Variants in TENM2 observed in about 807,000 individuals in gnomAD.
The protein encoded by TENM2 is teneurin-2.
A neutral mutation model predicts 245.2 loss-of-function variants in TENM2; 52 were observed. The observed-to-expected ratio is 0.21, with a 90% CI of 0.17 to 0.27. The LOEUF is 0.27. TENM2 is among the 10% of genes least tolerant of loss of function. The probability of loss-of-function intolerance (pLI) is 1.00; values close to 1 mark genes in which losing one functional copy is unlikely to be tolerated. For missense variants in TENM2, 3,046 were observed against 3,666.8 expected (o/e 0.83, Z 4.37); for synonymous variants, 1,363 against 1,438.9 (o/e 0.95, Z 1.19).
At chr5:167,829,852 A>G (rs953953911) in intron 2 of TENM2, among the ~76,000 whole-genome samples, 1 of 152,160 alleles carries the variant, frequency 6.6e-6, no homozygotes, top group Non-Finnish European at 1.5e-5. Flanking sequence ...ACCATGAGGA[A>G]TCCCATGGTG....
At chr5:167,937,799 CAG>C (rs770990985) in intron 3 of TENM2, 8 of 152,136 alleles carry the variant, frequency 5.3e-5, no homozygotes, top group Admixed American at 5.2e-4. Flanking sequence ...TGATGGCGCT[CAG>C]AGTGTTCAAA....
intron 19 of TENM2, among the ~76,000 whole-genome samples, chr5:168,208,480 C>T (rs1762543070): frequency 2.0e-5 from 3 of 152,126 alleles, no homozygotes; most frequent in South Asian, 2.1e-4. Context: ...CCTGGGAAGG[C>T]GGGCAAAGCC....
chr5:167,917,364 G>T (rs941388728), intron 3 of TENM2, among the ~76,000 whole-genome samples: 10 of 152,126 alleles, frequency 6.6e-5, no homozygotes, highest in African/African-American at 1.9e-4. Flanking sequence ...TCGGGGGGTT[G>T]TAGGGATTGG....
chr5:167,067,034 A>G, the TENM2 span, among the ~76,000 whole-genome samples: 1 of 152,292 alleles, frequency 6.6e-6, no homozygotes, highest in African/African-American at 2.4e-5. Flanking sequence ...GTTTTCTTTT[A>G]CATTCCTTTT....
chr5:167,547,776 C>A (rs1356844029), intron 2 of TENM2, among the ~76,000 whole-genome samples: 2 of 152,182 alleles, frequency 1.3e-5, no homozygotes, highest in African/African-American at 4.8e-5. Flanking sequence ...AGCTCGTTTT[C>A]TCTTTGCACA....
intron 2 of TENM2, among the ~76,000 whole-genome samples, chr5:167,770,606 C>G (rs1222637736): frequency 6.6e-6 from 1 of 152,184 alleles, no homozygotes; most frequent in East Asian, 1.9e-4. Context: ...GTAACCACCA[C>G]GTTGCACTTC....
At chr5:167,011,902 C>T in the TENM2 span, among the ~76,000 whole-genome samples, 6 of 152,140 alleles carry the variant, frequency 3.9e-5, no homozygotes, top group South Asian at 1.0e-3. Flanking sequence ...TGTAAAAGTG[C>T]ATTGTTCTAT....
chr5:167,461,046 A>G (rs1286260347), intron 2 of TENM2, among the ~76,000 whole-genome samples: 1 of 152,226 alleles, frequency 6.6e-6, no homozygotes, highest in African/African-American at 2.4e-5. Flanking sequence ...AATTTTTAGT[A>G]GTAAAACATG....
chr5:167,469,049 A>G (rs1328765835), intron 2 of TENM2, among the ~76,000 whole-genome samples: 1 of 152,188 alleles, frequency 6.6e-6, no homozygotes, highest in Admixed American at 6.5e-5. Flanking sequence ...GTACCTTTAG[A>G]TTTACATAGA....
the TENM2 span, among the ~76,000 whole-genome samples, chr5:167,122,754 A>AAGATTTGCCT: frequency 6.6e-6 from 1 of 152,190 alleles, no homozygotes; most frequent in Admixed American, 6.5e-5. Flanking sequence ...CCAAATCATT[A>AAGATTTGCCT]AGATTTGCCT....
chr5:167,620,066 A>T (rs1240186134), intron 2 of TENM2, among the ~76,000 whole-genome samples: 1 of 152,136 alleles, frequency 6.6e-6, no homozygotes, highest in Non-Finnish European at 1.5e-5. Flanking sequence ...GGTTGTGTTA[A>T]ATGTGAAGAG....
At chr5:167,576,538 C>G (rs1287796025) in intron 2 of TENM2, among the ~76,000 whole-genome samples, 1 of 152,082 alleles carries the variant, frequency 6.6e-6, no homozygotes, top group Admixed American at 6.6e-5. Context: ...TCTCTTTAGT[C>G]CCTATATATA....
At chr5:167,023,915 G>T in the TENM2 span, among the ~76,000 whole-genome samples, 3 of 152,076 alleles carry the variant, frequency 2.0e-5, no homozygotes, top group Non-Finnish European at 4.4e-5. Flanking sequence ...ACTTATAAAA[G>T]CAAATTATTT....
intron 2 of TENM2, among the ~76,000 whole-genome samples, chr5:167,495,414 G>C (rs1394489669): frequency 6.6e-6 from 1 of 151,946 alleles, no homozygotes; most frequent in Non-Finnish European, 1.5e-5. Context: ...AAGATCACAA[G>C]GGTTGAACAA....
intron 1 of TENM2, among the ~76,000 whole-genome samples, chr5:167,312,550 T>C (rs1005227347): frequency 6.6e-6 from 1 of 152,102 alleles, no homozygotes; most frequent in African/African-American, 2.4e-5. Context: ...TTTCTGCCTA[T>C]ACAACAAATC....
At chr5:167,568,083 A>G (rs1458856399) in intron 2 of TENM2, among the ~76,000 whole-genome samples, 2 of 152,180 alleles carry the variant, frequency 1.3e-5, no homozygotes, top group African/African-American at 4.8e-5. Context: ...TTAGAAGAAT[A>G]ACAGTTCACC....
At chr5:167,236,167 T>G in the TENM2 span, among the ~76,000 whole-genome samples, 1 of 152,162 alleles carries the variant, frequency 6.6e-6, no homozygotes, top group East Asian at 1.9e-4. Context: ...TGGCCTGACT[T>G]CCTGTCTAAA....
At chr5:167,980,832 A>G (rs189598163) in intron 4 of TENM2, among the ~76,000 whole-genome samples, 4 of 152,200 alleles carry the variant, frequency 2.6e-5, no homozygotes, top group South Asian at 2.1e-4. Context: ...GCAAAGAGGA[A>G]ATCAACTGAT....
chr5:168,200,557 G>C (rs574154068), intron 17 of TENM2, among the ~76,000 whole-genome samples: 5 of 152,174 alleles, frequency 3.3e-5, no homozygotes, highest in Non-Finnish European at 7.3e-5. Flanking sequence ...AGTGTAGCTG[G>C]AGTGTAGTGG....
Sources: gnomAD v4.1 joint callset for allele counts (sites outside exome capture counted in the v4.1 genomes callset) on GRCh38, gnomAD v4.1.1 for gene constraint, MANE v1.5 for transcripts, NCBI Gene and HGNC (gene_info 2026-07-23, HGNC 2026-07-21) for gene names.